The following PDE4B variants were observed in gnomAD, a reference collection of about 807,000 sequenced individuals.
The protein encoded by PDE4B is phosphodiesterase 4B, also known as 3',5'-cyclic-AMP phosphodiesterase 4B.
Under a neutral mutation model 82.2 loss-of-function variants are expected in PDE4B, and 20 were observed. The ratio of observed to expected loss-of-function variants is 0.24; its 90% CI spans 0.17 to 0.35. PDE4B has a LOEUF of 0.35. Among genes scored for constraint, PDE4B ranks in the 10% least tolerant of loss-of-function variants. PDE4B has a pLI of 1.00. For missense variants in PDE4B, 655 were observed against 907.2 expected (o/e 0.72, Z 3.57); for synonymous variants, 320 against 318.9 (o/e 1.00, Z -0.04).
intron 1 of PDE4B, among the ~76,000 whole-genome samples, chr1:65,894,939 C>T (rs1646892930): frequency 6.6e-6 from 1 of 152,122 alleles, no homozygotes; most frequent in Admixed American, 6.5e-5. Context: ...GCTGGGAATG[C>T]AAAGTAGTTT....
intron 3 of PDE4B, among the ~76,000 whole-genome samples, chr1:66,004,763 G>A (rs920451221): frequency 6.6e-6 from 1 of 152,024 alleles, no homozygotes; most frequent in African/African-American, 2.4e-5. Context: ...CAGTGGAAAA[G>A]CACCTAGGGA....
At chr1:65,925,048 C>T (rs1327438428) in intron 3 of PDE4B, among the ~76,000 whole-genome samples, 2 of 152,102 alleles carry the variant, frequency 1.3e-5, no homozygotes, top group Admixed American at 6.6e-5. Context: ...AGTTTAGAGG[C>T]TGTATATTGC....
intron 8 of PDE4B, among the ~76,000 whole-genome samples, chr1:66,341,886 C>T (rs1389229873): frequency 3.9e-5 from 6 of 152,180 alleles, no homozygotes; most frequent in Non-Finnish European, 8.8e-5. Flanking sequence ...GCTCTCACAG[C>T]TCAAATATAA....
rs143196647 is a variant in PDE4B, at chr1:66,256,909, G to A, written c.477-738G>A. Among the ~76,000 whole-genome samples, 568 of 152,302 alleles carry A rather than the reference G, an allele frequency of 3.7e-3. 2 individuals carry two copies. The highest frequency in any genetic ancestry group is 0.013 in the African/African-American group (549 of 41,568). ...TGTCTTCTAGTACCTTCAATAGAGA[G>A]TTTGCTGAATGTGGGTTTAAGTAGA... On this transcript the variant is annotated intron_variant, in intron 4 of 16. Transcript: ENST00000341517.
chr1:65,794,541 G>T (rs1046285114), intron 1 of PDE4B, among the ~76,000 whole-genome samples: 1 of 152,100 alleles, frequency 6.6e-6, no homozygotes, highest in Non-Finnish European at 1.5e-5. Context: ...TTTCACTGCA[G>T]GTAAAGGAAG....
At chr1:65,847,471 C>T (rs75817237) in intron 1 of PDE4B, among the ~76,000 whole-genome samples, 2 of 152,192 alleles carry the variant, frequency 1.3e-5, no homozygotes, top group African/African-American at 4.8e-5. Context: ...ATGGCTGTGG[C>T]CTTCAGATCT....
At chr1:65,990,653 T>G (rs530689679) in intron 3 of PDE4B, among the ~76,000 whole-genome samples, 3 of 152,288 alleles carry the variant, frequency 2.0e-5, no homozygotes, top group African/African-American at 7.2e-5. Flanking sequence ...TAGAGCCTAC[T>G]TGAACAAAAT....
intron 3 of PDE4B, among the ~76,000 whole-genome samples, chr1:66,111,486 C>T (rs1645483968): frequency 1.3e-5 from 2 of 152,024 alleles, no homozygotes; most frequent in Non-Finnish European, 2.9e-5. Flanking sequence ...CTTGGCTATT[C>T]TAGACACTGA....
chr1:66,339,755 C>CCGTTAG (rs1353730349), intron 8 of PDE4B, among the ~76,000 whole-genome samples: 1 of 151,966 alleles, frequency 6.6e-6, no homozygotes, highest in African/African-American at 2.4e-5. Flanking sequence ...AGAATTCAAC[C>CCGTTAG]CGTTAGCAGA....
chr1:66,352,025 A>G (rs1269310065), intron 8 of PDE4B, among the ~76,000 whole-genome samples: 1 of 152,132 alleles, frequency 6.6e-6, no homozygotes, highest in Non-Finnish European at 1.5e-5. Context: ...CTTAGTTTGT[A>G]CAGAGCCCAA....
chr1:66,184,180 G>C (rs1356385297), intron 3 of PDE4B, among the ~76,000 whole-genome samples: 2 of 152,042 alleles, frequency 1.3e-5, no homozygotes, highest in Non-Finnish European at 2.9e-5. Context: ...CTGAAGCTAG[G>C]GAGTAAAACA....
chr1:65,876,624 T>C (rs1646647078), intron 1 of PDE4B, among the ~76,000 whole-genome samples: 1 of 152,120 alleles, frequency 6.6e-6, no homozygotes, highest in African/African-American at 2.4e-5. Context: ...GTTCCCCAAA[T>C]ATATGGTCTA....
At position 66,247,666 on chromosome 1, in the gene PDE4B, C is replaced by G; in HGVS notation, c.476+12C>G. The G allele has an allele frequency of 6.5e-7, 1 of 1,538,992 alleles. No individual in the cohort carries two copies. The highest frequency in any genetic ancestry group is 8.8e-7 in the Non-Finnish European group (1 of 1,139,926). On this transcript the variant is annotated intron_variant, in intron 4 of 16. Transcript: ENST00000341517. ...CTTCCAAGCGAGCAGTAAGTACAAG[C>G]TCTGTCTGGCTTCCAGTTTCACATT...
chr1:66,178,855 T>A (rs1320714622), intron 3 of PDE4B, among the ~76,000 whole-genome samples: 2 of 152,170 alleles, frequency 1.3e-5, no homozygotes, highest in Admixed American at 6.6e-5. Flanking sequence ...CTTAACTTTT[T>A]TTTTCTTTTT....
chr1:65,918,819 AC>A lies in PDE4B; in HGVS notation c.266del (p.Thr89MetfsTer2). The A allele has an allele frequency of 6.2e-7, 1 of 1,607,896 alleles. No individual in the cohort carries two copies. Among genetic ancestry groups the A allele is most frequent in the South Asian group, 1.1e-5 (1 of 90,984 alleles). On this transcript the variant is annotated frameshift_variant, in exon 3 of 17. Transcript: ENST00000341517. LOFTEE classifies it high-confidence loss of function. ...AACGCTTCCAAGCATTGCTATTACA[AC>A]TGTAAGCCAGGAGTGGTGAGTAGCC... The part of the protein sequence containing the change: ...LTTLPSIAIT[T>X]VSQECFDVEN...
chr1:65,813,624 AG>A (rs1252496395), intron 1 of PDE4B, among the ~76,000 whole-genome samples: 2 of 152,136 alleles, frequency 1.3e-5, no homozygotes, highest in Non-Finnish European at 2.9e-5. Flanking sequence ...TTTTCTGAGG[AG>A]GGGGTCCTCT....
chr1:65,819,656 C>T (rs554956423), intron 1 of PDE4B, among the ~76,000 whole-genome samples: 1 of 151,930 alleles, frequency 6.6e-6, no homozygotes, highest in Non-Finnish European at 1.5e-5. Context: ...CCCGCCACCG[C>T]GGCGGGCTAT....
chr1:65,922,838 C>T (rs1647297501), intron 3 of PDE4B, among the ~76,000 whole-genome samples: 1 of 152,160 alleles, frequency 6.6e-6, no homozygotes, highest in African/African-American at 2.4e-5. Context: ...ACATATCAAA[C>T]ATTTCCCAAT....
At chr1:65,930,219 A>G (rs1186413182) in intron 3 of PDE4B, among the ~76,000 whole-genome samples, 2 of 152,176 alleles carry the variant, frequency 1.3e-5, no homozygotes, top group Non-Finnish European at 2.9e-5. Context: ...CTGGCAGTTC[A>G]TTAGATTGTG....
Sources: gnomAD v4.1 joint callset for allele counts (sites outside exome capture counted in the v4.1 genomes callset) on GRCh38, gnomAD v4.1.1 for gene constraint, MANE v1.5 for transcripts, NCBI Gene and HGNC (gene_info 2026-07-23, HGNC 2026-07-21) for gene names.